ACMSD: variants seen among roughly 807,000 people sequenced by gnomAD.
The protein encoded by ACMSD is aminocarboxymuconate semialdehyde decarboxylase, also known as 2-amino-3-carboxymuconate-6-semialdehyde decarboxylase.
A neutral mutation model predicts 45.9 loss-of-function variants in ACMSD; 37 were observed. That is an observed-to-expected ratio of 0.81 (90% confidence interval 0.62 to 1.06). ACMSD has a LOEUF of 1.06. ACMSD is among the 50% of genes least tolerant of loss of function. ACMSD has a pLI of 0.00. For synonymous variants in ACMSD, 138 were observed against 148.8 expected (o/e 0.93, Z 0.53); for missense variants, 434 against 420.9 (o/e 1.03, Z -0.27).
In ACMSD at chr2:134,872,526, A is replaced by T; in HGVS notation, c.734A>T (p.Asp245Val). The T allele has an allele frequency of 1.2e-6, 2 of 1,614,126 alleles. No individual in the cohort carries two copies. Among genetic ancestry groups the T allele is most frequent in the South Asian group, 2.2e-5 (2 of 91,072 alleles). The change falls in exon 8 of 10, where the codon GAT becomes GTT. Residue 245 changes from aspartate to valine, a missense_variant. Transcript: ENST00000356140. ...RISHGFSMRP[D>V]LCAQDNPMNP... Reference sequence around the variant, plus strand: ...TCCCATGGATTCAGCATGCGCCCAGATCTGTGTGCCCAGGACAACCCCATG... The same window carrying T: ...TCCCATGGATTCAGCATGCGCCCAGTTCTGTGTGCCCAGGACAACCCCATG...
intron 5 of ACMSD, among the ~76,000 whole-genome samples, chr2:134,864,663 C>A (rs888379290): frequency 1.2e-4 from 18 of 151,940 alleles, no homozygotes; most frequent in African/African-American, 4.4e-4. Flanking sequence ...CTTTAAAATA[C>A]CTAATAAAAA....
chr2:134,863,684 G>T (rs536720487), intron 5 of ACMSD, 53 bp downstream of exon 5: 2 of 1,578,654 alleles, frequency 1.3e-6, no homozygotes, highest in African/African-American at 2.7e-5. Context: ...CTGGGCCGGG[G>T]GCACCGCTGG....
chr2:134,845,884 T>C (rs1480800007), intron 2 of ACMSD, among the ~76,000 whole-genome samples: 1 of 152,194 alleles, frequency 6.6e-6, no homozygotes, highest in Non-Finnish European at 1.5e-5. Flanking sequence ...TCATATGTCC[T>C]CTCCGAGTTC....
At position 134,847,331 on chromosome 2, in the gene ACMSD, T is replaced by C. The variant is rs150162948; in HGVS notation, c.102+2054T>C. Among the ~76,000 whole-genome samples, 132 of 152,094 alleles carry C rather than the reference T, an allele frequency of 8.7e-4. 3 individuals carry two copies. In the East Asian group the frequency reaches 0.021, roughly 24 times the overall value. On this transcript the variant is annotated intron_variant, in intron 2 of 9. Transcript: ENST00000356140. Reference sequence around the variant, plus strand: ...GGATTTAGGGGTTTAGGCCCCAAAATGAGCTTAGGTCTTTGAACTTGATCC... The same window carrying C: ...GGATTTAGGGGTTTAGGCCCCAAAACGAGCTTAGGTCTTTGAACTTGATCC...
At chr2:134,850,627 G>A (rs946004948) in intron 2 of ACMSD, among the ~76,000 whole-genome samples, 1 of 151,410 alleles carries the variant, frequency 6.6e-6, no homozygotes, top group Non-Finnish European at 1.5e-5. Context: ...CATTTATCTT[G>A]TCCAATACCT....
intron 8 of ACMSD, among the ~76,000 whole-genome samples, chr2:134,891,792 C>T (rs1236978652): frequency 6.6e-6 from 1 of 152,104 alleles, no homozygotes; most frequent in African/African-American, 2.4e-5. Flanking sequence ...ATGTTTATAA[C>T]AGCACTATCA....
chr2:134,895,975 T>C (rs1690125842), intron 8 of ACMSD, among the ~76,000 whole-genome samples: 1 of 152,174 alleles, frequency 6.6e-6, no homozygotes, highest in Non-Finnish European at 1.5e-5. Flanking sequence ...ATCAAGACTC[T>C]ATGGGACTAG....
intron 8 of ACMSD, among the ~76,000 whole-genome samples, chr2:134,880,496 G>A (rs567492933): frequency 6.6e-6 from 1 of 151,322 alleles, no homozygotes; most frequent in Non-Finnish European, 1.5e-5. Flanking sequence ...TTGAACTTTC[G>A]TTTTACTTTC....
intron 1 of ACMSD, chr2:134,844,278 T>C (rs1686951895): frequency 6.6e-6 from 1 of 152,224 alleles, no homozygotes; most frequent in Admixed American, 6.5e-5. Flanking sequence ...AAAAATGTTA[T>C]GAAACCATTA....
At chr2:134,871,747 T>G (rs1688455974) in intron 7 of ACMSD, among the ~76,000 whole-genome samples, 1 of 150,426 alleles carries the variant, frequency 6.6e-6, no homozygotes, top group African/African-American at 2.5e-5. Context: ...TAACATGCCT[T>G]TCCTCCTCAA....
At chr2:134,841,744 C>T (rs1559035830) in intron 1 of ACMSD, among the ~76,000 whole-genome samples, 1 of 152,196 alleles carries the variant, frequency 6.6e-6, no homozygotes, top group African/African-American at 2.4e-5. Context: ...CTACTGTCTG[C>T]CCAATAGTAG....
intron 5 of ACMSD, among the ~76,000 whole-genome samples, chr2:134,865,507 G>A (rs942759210): frequency 6.6e-6 from 1 of 152,132 alleles, no homozygotes; most frequent in Non-Finnish European, 1.5e-5. Context: ...CCTTCTAACT[G>A]GGCTGTTTTG....
At chr2:134,883,073 C>T (rs1175299417) in intron 8 of ACMSD, among the ~76,000 whole-genome samples, 1 of 152,164 alleles carries the variant, frequency 6.6e-6, no homozygotes, top group Admixed American at 6.5e-5. Flanking sequence ...GGTAGAATTC[C>T]AGGATTCCAG....
chr2:134,901,563 G>A (rs1030547383), intron 9 of ACMSD, among the ~76,000 whole-genome samples: 1 of 152,058 alleles, frequency 6.6e-6, no homozygotes, highest in African/African-American at 2.4e-5. Context: ...TCCTAAGGAG[G>A]GCTCTCCCCT....
At chr2:134,878,421 G>C (rs1319819600) in intron 8 of ACMSD, among the ~76,000 whole-genome samples, 4 of 152,122 alleles carry the variant, frequency 2.6e-5, no homozygotes, top group African/African-American at 9.7e-5. Context: ...CCACTCCCCA[G>C]ACTCAAGGGA....
At position 134,853,792 on chromosome 2, in the gene ACMSD, G is replaced by C. The variant is rs538192049; in HGVS notation, c.103-5469G>C. 2.0e-5 allele frequency among the ~76,000 whole-genome samples: 3 copies of C among 152,212 alleles called. No homozygotes were observed. In the South Asian group the frequency reaches 6.2e-4, roughly 32 times the overall value. On this transcript the variant is annotated intron_variant, in intron 2 of 9. Coordinates refer to ENST00000356140, the MANE Select transcript of ACMSD (RefSeq NM_138326.3). Reference sequence around the variant, plus strand: ...TACTCAGAAAGAGTTCTACCGACTTGCTACCGTTCATTTTTCTTACCATGG... The same window carrying C: ...TACTCAGAAAGAGTTCTACCGACTTCCTACCGTTCATTTTTCTTACCATGG...
Position 134,877,282 on chromosome 2 carries a change from A to C in ACMSD, c.849+4641A>C, listed in dbSNP as rs536534781. 9.2e-5 allele frequency among the ~76,000 whole-genome samples: 14 copies of C among 152,346 alleles called. No homozygotes were observed. The East Asian group carries it at 2.7e-3, about 29-fold the overall frequency. ...CACATACACAGTCTGTCATTGACCA[A>C]AACATCATTATGTGATGCATGACTG... On this transcript the variant is annotated intron_variant, in intron 8 of 9. Coordinates refer to ENST00000356140, the MANE Select transcript of ACMSD (RefSeq NM_138326.3).
intron 8 of ACMSD, among the ~76,000 whole-genome samples, chr2:134,888,408 A>T (rs945656073): frequency 1.3e-5 from 2 of 152,226 alleles, no homozygotes; most frequent in African/African-American, 4.8e-5. Context: ...CAGAATTTTC[A>T]CACATTGTTA....
At chr2:134,865,077 G>A (rs1688034796) in intron 5 of ACMSD, among the ~76,000 whole-genome samples, 1 of 152,182 alleles carries the variant, frequency 6.6e-6, no homozygotes, top group African/African-American at 2.4e-5. Flanking sequence ...ACCAGGCACT[G>A]TGACTACTGA....
Sources: gnomAD v4.1 joint callset for allele counts (sites outside exome capture counted in the v4.1 genomes callset) on GRCh38, gnomAD v4.1.1 for gene constraint, MANE v1.5 for transcripts, NCBI Gene and HGNC (gene_info 2026-07-23, HGNC 2026-07-21) for gene names.